DOCK8: variants seen among roughly 807,000 people sequenced by gnomAD.
DOCK8 encodes the protein dedicator of cytokinesis protein 8.
A neutral mutation model predicts 245.6 loss-of-function variants in DOCK8; 141 were observed. The observed-to-expected ratio is 0.57, with a 90% CI of 0.50 to 0.66. The LOEUF (loss-of-function observed/expected upper bound fraction) is 0.66, where lower values mean the gene tolerates loss of function less well. DOCK8 is among the 30% of genes least tolerant of loss of function. The pLI is 0.00. For synonymous variants in DOCK8, 1,168 were observed against 970.2 expected (o/e 1.20, Z -3.79); for missense variants, 2,965 against 2,603.4 (o/e 1.14, Z -3.02).
chr9:421,966 A>T, intron 32 of DOCK8, 82 bp from the exon 33 acceptor site: 2 of 1,215,978 alleles, frequency 1.6e-6, no homozygotes, highest in Non-Finnish European at 1.2e-6. Flanking sequence ...GAGGCTTCTC[A>T]GTTGAGCTTG....
At chr9:439,948 A>G (rs920657297) in intron 40 of DOCK8, among the ~76,000 whole-genome samples, 3 of 152,210 alleles carry the variant, frequency 2.0e-5, no homozygotes, top group African/African-American at 7.2e-5. Context: ...CACTCCTAGT[A>G]TATATACTAG....
intron 10 of DOCK8, 148 bp downstream of exon 10, chr9:332,626 G>A (rs528539562): frequency 1.2e-5 from 3 of 254,088 alleles, no homozygotes; most frequent in Non-Finnish European, 2.3e-5. Flanking sequence ...AAGAGGAAAA[G>A]AAAACTGGTC....
rs137954651 is a variant in DOCK8, at chr9:217,256, C to T, written c.53+2227C>T. Among the ~76,000 whole-genome samples the T allele has an allele frequency of 4.6e-5, 7 of 152,304 alleles. No homozygotes were observed. In the East Asian group the frequency reaches 1.4e-3, roughly 29 times the overall value. ...ACATTACAATCAGCTTCACTGCTGT[C>T]ATTATCTCCATCATCACCATCTTTG... On this transcript the variant is annotated intron_variant, in intron 1 of 47. Coordinates refer to ENST00000432829, the MANE Select transcript of DOCK8 (RefSeq NM_203447.4).
chr9:301,370 A>G (rs191475628), intron 4 of DOCK8, among the ~76,000 whole-genome samples: 35 of 152,332 alleles, frequency 2.3e-4, no homozygotes, highest in Admixed American at 3.3e-4. Flanking sequence ...CTATTATTCA[A>G]CTATCCACAG....
Position 328,981 on chromosome 9 carries a change from C to T in DOCK8, c.1044+810C>T, listed in dbSNP as rs1264178080. ...TTTTTTTTTTTTGAGAGGAGTTTTG[C>T]TCTTGTCACCCAGGCTGGAGTGCAG... On this transcript the variant is annotated intron_variant, in intron 9 of 47. Coordinates refer to ENST00000432829, the MANE Select transcript of DOCK8 (RefSeq NM_203447.4). 3.5e-3 allele frequency among the ~76,000 whole-genome samples: 306 copies of T among 86,246 alleles called. 1 individual carries two copies. The highest frequency in any genetic ancestry group is 0.013 in the African/African-American group (277 of 21,284). The allele number at this position is 86,246 out of a possible 152,430, so 56.6% of individuals were successfully genotyped here.
At chr9:344,456 C>T (rs73378636) in intron 14 of DOCK8, among the ~76,000 whole-genome samples, 1 of 152,040 alleles carries the variant, frequency 6.6e-6, no homozygotes, top group East Asian at 1.9e-4. Context: ...ATGAGTGTCC[C>T]CTTTCCTGCA....
At chr9:400,378 A>T (rs1230814514) in intron 26 of DOCK8, among the ~76,000 whole-genome samples, 1 of 32,602 alleles carries the variant, frequency 3.1e-5, no homozygotes, top group African/African-American at 9.2e-5. Context: ...CACCTCCTTC[A>T]CCATCACCAT....
Position 405,002 on chromosome 9 carries a change from C to G in DOCK8, c.3319C>G (p.Leu1107Val). The G allele has an allele frequency of 6.2e-7, 1 of 1,614,002 alleles. No individual in the cohort carries two copies. The highest frequency in any genetic ancestry group is 2.2e-5 in the East Asian group (1 of 44,872). Residue 1107 changes from leucine (L) to valine (V), a missense_variant, in exon 27 of 48, where the codon CTC becomes GTC. By Grantham distance (32) the Leu-to-Val change is conservative. Coordinates refer to ENST00000432829, the MANE Select transcript of DOCK8 (RefSeq NM_203447.4). ...AATCCTCTGTAGCCATGAGCATTAC[C>G]TCAATCTGAACCTTTTTTTTATGAA... is the stretch of plus-strand genomic sequence containing the variant. ...LRILCSHEHY[L>V]NLNLFFMNAD...
chr9:305,440 G>A (rs182430655), intron 5 of DOCK8, among the ~76,000 whole-genome samples: 7 of 151,468 alleles, frequency 4.6e-5, no homozygotes, highest in Admixed American at 2.6e-4. Flanking sequence ...CCGCCACCAC[G>A]CCCAGCTAAT....
At chr9:363,813 A>G (rs1431916014) in intron 14 of DOCK8, among the ~76,000 whole-genome samples, 2 of 152,158 alleles carry the variant, frequency 1.3e-5, no homozygotes, top group African/African-American at 2.4e-5. Flanking sequence ...TGGAAGCAAC[A>G]TGCAAAATTG....
intron 1 of DOCK8, among the ~76,000 whole-genome samples, chr9:242,358 A>T (rs995364867): frequency 6.6e-6 from 1 of 152,210 alleles, no homozygotes; most frequent in Non-Finnish European, 1.5e-5. Context: ...CTACTGTGGA[A>T]TGCTTATATT....
At chr9:260,513 TTAATTGG>T (rs1476268572) in intron 1 of DOCK8, among the ~76,000 whole-genome samples, 1 of 152,226 alleles carries the variant, frequency 6.6e-6, no homozygotes, top group Non-Finnish European at 1.5e-5. Context: ...GCTTAGAGTG[TTAATTGG>T]TAAAATACTC....
At chr9:344,839 G>A (rs941320540) in intron 14 of DOCK8, among the ~76,000 whole-genome samples, 2 of 152,126 alleles carry the variant, frequency 1.3e-5, no homozygotes, top group Admixed American at 6.5e-5. Context: ...CCTGAGTGAG[G>A]TCAAGAGTTC....
At chr9:367,881 A>G in intron 14 of DOCK8, 137 bp from the exon 15 acceptor site, 1 of 707,474 alleles carries the variant, frequency 1.4e-6, no homozygotes, top group East Asian at 2.6e-5. Flanking sequence ...CACTCCCCCC[A>G]ATAATAATTC....
At chr9:350,272 C>G (rs1253008125) in intron 14 of DOCK8, among the ~76,000 whole-genome samples, 2 of 152,068 alleles carry the variant, frequency 1.3e-5, no homozygotes, top group African/African-American at 4.8e-5. Context: ...GTCACCACAC[C>G]AGCTAATTAT....
At chr9:286,229 T>A (rs2048817295) in intron 2 of DOCK8, among the ~76,000 whole-genome samples, 1 of 152,178 alleles carries the variant, frequency 6.6e-6, no homozygotes, top group Non-Finnish European at 1.5e-5. Context: ...AATTCCGCCT[T>A]GGGGTGGGAT....
At chr9:444,594 A>G (rs1300679427) in intron 43 of DOCK8, among the ~76,000 whole-genome samples, 1 of 152,108 alleles carries the variant, frequency 6.6e-6, no homozygotes, top group Non-Finnish European at 1.5e-5. Context: ...CAAATTGAAT[A>G]CAGTCTCCAG....
At chr9:454,475 ACCTAT>A (rs200973482) in intron 46 of DOCK8, 3,769 of 152,248 alleles carry the variant, frequency 0.025, 61 homozygotes, top group Admixed American at 0.043. Flanking sequence ...GGGTCTTGGA[ACCTAT>A]CCCCGAGAAT....
intron 37 of DOCK8, 64 bp from the exon 38 acceptor site, chr9:433,811 T>C: frequency 7.4e-7 from 1 of 1,358,176 alleles, no homozygotes; most frequent in Non-Finnish European, 1.1e-6. Flanking sequence ...CATTTCAATG[T>C]AATCCTAACT....
Sources: gnomAD v4.1 joint callset for allele counts (sites outside exome capture counted in the v4.1 genomes callset) on GRCh38, gnomAD v4.1.1 for gene constraint, MANE v1.5 for transcripts, NCBI Gene and HGNC (gene_info 2026-07-23, HGNC 2026-07-21) for gene names.